The following ATP10D variants were observed in gnomAD, a reference collection of about 807,000 sequenced individuals.
ATP10D encodes the protein phospholipid-transporting ATPase VD.
In ATP10D, 89 loss-of-function variants were observed where a neutral mutation model predicts 144.8. That is an observed-to-expected ratio of 0.61 (90% confidence interval 0.52 to 0.73). ATP10D has a LOEUF of 0.73. ATP10D is among the 30% of genes least tolerant of loss of function. ATP10D has a pLI of 0.00. For missense variants in ATP10D, 1,603 were observed against 1,714.8 expected, an observed-to-expected ratio of 0.93 and a Z score of 1.15; for synonymous variants, 571 against 615.1, an observed-to-expected ratio of 0.93 and a Z score of 1.06.
At chr4:47,569,961 A>C (rs1719865542) in intron 16 of ATP10D, among the ~76,000 whole-genome samples, 1 of 152,174 alleles carries the variant, frequency 6.6e-6, no homozygotes, top group African/African-American at 2.4e-5. Flanking sequence ...CGGGTTATTA[A>C]AGGCCAGAGA....
At chr4:47,497,352 G>A (rs868765040) in intron 1 of ATP10D, among the ~76,000 whole-genome samples, 1 of 152,186 alleles carries the variant, frequency 6.6e-6, no homozygotes, top group Non-Finnish European at 1.5e-5. Flanking sequence ...CTACTCAGGA[G>A]GCTGAGGCAG....
intron 18 of ATP10D, among the ~76,000 whole-genome samples, chr4:47,575,816 A>G (rs1720197342): frequency 6.7e-6 from 1 of 150,274 alleles, no homozygotes; most frequent in Non-Finnish European, 1.5e-5. Context: ...AATCCAGATG[A>G]GGGTACCAGA....
intron 1 of ATP10D, among the ~76,000 whole-genome samples, chr4:47,498,347 G>A (rs938387674): frequency 6.6e-6 from 1 of 152,164 alleles, no homozygotes; most frequent in Non-Finnish European, 1.5e-5. Context: ...AGTATCTCTG[G>A]CTTCTTTCCA....
intron 1 of ATP10D, among the ~76,000 whole-genome samples, chr4:47,501,396 G>A (rs1038567986): frequency 6.6e-6 from 1 of 152,164 alleles, no homozygotes; most frequent in African/African-American, 2.4e-5. Context: ...TGTTTTAAAA[G>A]TAAATAAATG....
At chr4:47,488,629 A>T (rs1714901927) in intron 1 of ATP10D, among the ~76,000 whole-genome samples, 1 of 150,738 alleles carries the variant, frequency 6.6e-6, no homozygotes, top group South Asian at 2.1e-4. Context: ...AAAAAAAAAA[A>T]AAAAAGATAA....
chr4:47,529,506 G>C (rs527451097), intron 5 of ATP10D, among the ~76,000 whole-genome samples: 1 of 152,110 alleles, frequency 6.6e-6, no homozygotes, highest in African/African-American at 2.4e-5. Context: ...ATGTGTCTAT[G>C]TTTTTGTAGC....
At position 47,591,361 on chromosome 4, in the gene ATP10D, T is replaced by C; in HGVS notation, c.4261T>C (p.Ser1421Pro). The C allele has an allele frequency of 2.5e-6, 4 of 1,602,502 alleles. No individual in the cohort carries two copies. The highest frequency in any genetic ancestry group is 3.4e-6 in the Non-Finnish European group (4 of 1,174,186). ...TAAGGCCTTTGAGATGGCTGGACCCTCCAAAGGTAAAGAAAGCTAGATACC... is the reference window on the plus strand; with the variant it reads ...TAAGGCCTTTGAGATGGCTGGACCCCCCAAAGGTAAAGAAAGCTAGATACC... ...ETKAFEMAGP[S>P]KGKES Residue 1421 changes from serine to proline, a missense_variant, in exon 23 of 23, where the codon TCC becomes CCC. Physicochemically the swap from Ser to Pro is moderately conservative, Grantham distance 74. Transcript: ENST00000273859.
At chr4:47,569,947 T>C (rs1719864610) in intron 16 of ATP10D, among the ~76,000 whole-genome samples, 1 of 152,146 alleles carries the variant, frequency 6.6e-6, no homozygotes, top group Non-Finnish European at 1.5e-5. Context: ...GGAGGTGTTT[T>C]CTGCGGGTTA....
At chr4:47,496,741 A>G (rs958255530) in intron 1 of ATP10D, among the ~76,000 whole-genome samples, 12 of 152,036 alleles carry the variant, frequency 7.9e-5, no homozygotes, top group African/African-American at 2.9e-4. Context: ...TTTATAGTAT[A>G]TGGCTTCTGT....
At chr4:47,560,867 G>T in intron 13 of ATP10D, 82 bp from the exon 14 acceptor site, 2 of 1,532,126 alleles carry the variant, frequency 1.3e-6, no homozygotes, top group South Asian at 1.1e-5. Context: ...TTGATGGTTT[G>T]ATATTTTGCC....
At chr4:47,559,505 T>G (rs1719178986) in intron 13 of ATP10D, among the ~76,000 whole-genome samples, 1 of 152,224 alleles carries the variant, frequency 6.6e-6, no homozygotes, top group Non-Finnish European at 1.5e-5. Context: ...AGATATTATC[T>G]CAGTATTGAT....
intron 11 of ATP10D, among the ~76,000 whole-genome samples, chr4:47,555,219 A>G (rs754356915): frequency 6.6e-6 from 1 of 152,326 alleles, no homozygotes; most frequent in Non-Finnish European, 1.5e-5. Context: ...CAGGGGCAGC[A>G]TTAGATTCTC....
chr4:47,573,626 T>G (rs1452196537), intron 18 of ATP10D, among the ~76,000 whole-genome samples: 1 of 152,228 alleles, frequency 6.6e-6, no homozygotes, highest in African/African-American at 2.4e-5. Flanking sequence ...GCTATTTCAA[T>G]TTCAGTTTCC....
rs34208443 is a variant in ATP10D, at chr4:47,557,985, C to A, written c.2146C>A (p.Pro716Thr). 279,697 of 1,613,848 alleles carry A rather than the reference C, an allele frequency of 0.17. 26,718 individuals carry two copies. The highest frequency in any genetic ancestry group is 0.2 in the Non-Finnish European group (233,431 of 1,179,820). The change falls in exon 12 of 23, where the codon CCA (proline) becomes ACA (threonine). Residue 716 changes from proline (P) to threonine (T), a missense_variant. Coordinates refer to ENST00000273859, the MANE Select transcript of ATP10D (RefSeq NM_020453.4). ...CAAGGCAGAGTCCCTCCCTGGACAG[C>A]CATTGGCCTGCAACCTGTGTTATGA... ...NGKAESLPGQ[P>T]LACNLCYEAE...
chr4:47,565,041 C>T (rs910840983), intron 15 of ATP10D, among the ~76,000 whole-genome samples: 85 of 152,370 alleles, frequency 5.6e-4, no homozygotes, highest in African/African-American at 1.9e-3. Flanking sequence ...TCACTGCAAG[C>T]TCCGCCTCCC....
chr4:47,575,924 C>CTTTTTTT (rs564960460), intron 18 of ATP10D, among the ~76,000 whole-genome samples: 3 of 82,282 alleles, frequency 3.6e-5, no homozygotes, highest in African/African-American at 5.4e-5. Flanking sequence ...ACTGGGGTCC[C>CTTTTTTT]TTTTTTTTTT....
rs1322125795 is a variant in ATP10D at position 47,592,025 on chromosome 4, G to A, written c.*644G>A. ...CTCACTCATTTCAATGTTTTCCTGA[G>A]GTGGAGCCTTCATTGGAAAGGGGAA... On this transcript the variant is annotated 3_prime_UTR_variant, in exon 23 of 23. Transcript: ENST00000273859. The A allele has an allele frequency of 2.6e-5, 4 of 152,172 alleles. No individual in the cohort carries two copies. The East Asian group carries it at 5.8e-4, about 22-fold the overall frequency. 9.4% of individuals were successfully genotyped at this position (152,172 alleles called of 1,614,324 possible).
intron 9 of ATP10D, among the ~76,000 whole-genome samples, chr4:47,545,557 A>G (rs1434068873): frequency 6.6e-6 from 1 of 151,696 alleles, no homozygotes; most frequent in African/African-American, 2.4e-5. Flanking sequence ...TATTTTTTGG[A>G]TGTATGGAGG....
chr4:47,513,303 A>G (rs1716460644), intron 2 of ATP10D, among the ~76,000 whole-genome samples: 1 of 152,212 alleles, frequency 6.6e-6, no homozygotes. Flanking sequence ...TCATTCATGG[A>G]CAATCTCCTG....
Sources: gnomAD v4.1 joint callset for allele counts (sites outside exome capture counted in the v4.1 genomes callset) on GRCh38, gnomAD v4.1.1 for gene constraint, MANE v1.5 for transcripts, NCBI Gene and HGNC (gene_info 2026-07-23, HGNC 2026-07-21) for gene names.